DMD: variants seen among roughly 807,000 people sequenced by gnomAD.
DMD encodes dystrophin, also known as mutant dystrophin.
Under a neutral mutation model 330.1 loss-of-function variants are expected in DMD, and 63 were observed. The observed-to-expected ratio is 0.19, with a 90% CI of 0.16 to 0.24. The LOEUF is 0.24. Ranked by LOEUF, DMD falls within the 10% of genes least tolerant of loss-of-function variation. The pLI is 1.00. For missense variants in DMD, 3,344 were observed against 2,684.1 expected (o/e 1.25, Z -5.43); for synonymous variants, 1,223 against 959.8 (o/e 1.27, Z -5.07).
At chrX:33,156,206 C>T (rs2048501905) in intron 1 of DMD, among the ~76,000 whole-genome samples, 1 of 112,051 alleles carries the variant, frequency 8.9e-6, no homozygotes, top group Non-Finnish European at 1.9e-5. Flanking sequence ...AATACATGTA[C>T]ATCAAATGAA....
At chrX:32,681,641 G>T (rs148565295) in intron 9 of DMD, among the ~76,000 whole-genome samples, 80 of 111,422 alleles carry the variant, frequency 7.2e-4, no homozygotes, top group African/African-American at 2.6e-3. Flanking sequence ...CAATACAATC[G>T]CAAACTGGGG....
intron 54 of DMD, among the ~76,000 whole-genome samples, chrX:31,635,914 C>G (rs1301493219): frequency 9.0e-6 from 1 of 111,664 alleles, no homozygotes; most frequent in Admixed American, 9.5e-5. Context: ...CCATCACATA[C>G]CAGTCAGAAT....
chrX:32,957,506 G>A (rs1416725215), intron 2 of DMD, among the ~76,000 whole-genome samples: 1 of 111,196 alleles, frequency 9.0e-6, no homozygotes, highest in African/African-American at 3.3e-5. Flanking sequence ...TGGTCAAGAT[G>A]GTATATATAT....
intron 44 of DMD, among the ~76,000 whole-genome samples, chrX:32,008,303 G>T (rs184639407): frequency 8.9e-6 from 1 of 111,983 alleles, no homozygotes; most frequent in East Asian, 2.8e-4. Context: ...ATACAGAATT[G>T]TGGAGCTTTG....
chrX:32,695,312 A>G (rs1328120594), intron 9 of DMD, among the ~76,000 whole-genome samples: 5 of 112,088 alleles, frequency 4.5e-5, no homozygotes, highest in Non-Finnish European at 9.4e-5. Flanking sequence ...TAAAACAGAG[A>G]CAAAAGCACT....
intron 1 of DMD, among the ~76,000 whole-genome samples, chrX:33,217,519 A>T (rs1471666816): frequency 4.5e-5 from 5 of 111,524 alleles, no homozygotes; most frequent in African/African-American, 1.6e-4. Context: ...TAAGTATTTC[A>T]TTGTTTCAGA....
intron 20 of DMD, 151 bp downstream of exon 20, chrX:32,491,126 T>A (rs2042955482): frequency 1.4e-6 from 1 of 699,561 alleles, no homozygotes; most frequent in Non-Finnish European, 2.2e-6. Flanking sequence ...TTAAACAGAT[T>A]TCTGTTGCTT....
intron 7 of DMD, among the ~76,000 whole-genome samples, chrX:32,752,813 C>T (rs1458766438): frequency 4.6e-5 from 5 of 109,714 alleles, no homozygotes; most frequent in Non-Finnish European, 9.5e-5. Flanking sequence ...GAAAGTCTCA[C>T]GAGATCTGAT....
At chrX:33,054,533 A>G (rs1395499541) in intron 1 of DMD, among the ~76,000 whole-genome samples, 4 of 112,615 alleles carry the variant, frequency 3.6e-5, no homozygotes, top group Non-Finnish European at 7.5e-5. Flanking sequence ...GAGGACCATG[A>G]AAATACTGAT....
intron 21 of DMD, among the ~76,000 whole-genome samples, chrX:32,476,167 T>C (rs1414690712): frequency 1.8e-5 from 2 of 111,036 alleles, no homozygotes; most frequent in East Asian, 5.7e-4. Context: ...AACTTGAACA[T>C]GTCTCCTCTT....
intron 25 of DMD, among the ~76,000 whole-genome samples, chrX:32,458,334 TTTC>T (rs1256398151): frequency 9.0e-6 from 1 of 111,667 alleles, no homozygotes; most frequent in Non-Finnish European, 1.9e-5. Flanking sequence ...ATGGAAGAAT[TTTC>T]TTTTTTAAAG....
At chrX:31,133,050 C>G (rs1349881701) in intron 77 of DMD, among the ~76,000 whole-genome samples, 1 of 112,156 alleles carries the variant, frequency 8.9e-6, no homozygotes, top group African/African-American at 3.2e-5. Context: ...ACAACGTTTA[C>G]TTGCACATCA....
intron 41 of DMD, among the ~76,000 whole-genome samples, chrX:32,335,150 G>A (rs2097699186): frequency 9.1e-6 from 1 of 110,240 alleles, no homozygotes; most frequent in African/African-American, 3.3e-5. Flanking sequence ...AAAAGTTAGT[G>A]GAAAAATATT....
intron 7 of DMD, among the ~76,000 whole-genome samples, chrX:32,776,380 C>A (rs1394293582): frequency 9.1e-6 from 1 of 110,381 alleles, no homozygotes; most frequent in Non-Finnish European, 1.9e-5. Flanking sequence ...ATCTGGGCAC[C>A]AATTTTCTGT....
chrX:33,061,804 T>C (rs1268644137), intron 1 of DMD, among the ~76,000 whole-genome samples: 1 of 111,591 alleles, frequency 9.0e-6, no homozygotes, highest in Non-Finnish European at 1.9e-5. Context: ...CATTTGCCCC[T>C]AGTTAAGGGT....
chrX:31,207,028 T>C (rs1307806229), intron 65 of DMD, among the ~76,000 whole-genome samples: 2 of 111,760 alleles, frequency 1.8e-5, no homozygotes, highest in Non-Finnish European at 3.8e-5. Flanking sequence ...GAAGAATTAC[T>C]AATCTTCACC....
At chrX:31,487,346 C>T (rs762374217) in intron 57 of DMD, among the ~76,000 whole-genome samples, 8 of 109,229 alleles carry the variant, frequency 7.3e-5, no homozygotes, top group Admixed American at 4.9e-4. Flanking sequence ...CTGCAAGCTC[C>T]GTCTCCCAGG....
intron 48 of DMD, among the ~76,000 whole-genome samples, chrX:31,871,485 G>C (rs1168531414): frequency 9.1e-6 from 1 of 110,314 alleles, no homozygotes; most frequent in Non-Finnish European, 1.9e-5. Context: ...CACAGAGAGA[G>C]GGTATTACAT....
At chrX:32,282,267 T>C (rs148905441) in intron 43 of DMD, among the ~76,000 whole-genome samples, 1,202 of 111,882 alleles carry the variant, frequency 0.011, 14 homozygotes, top group African/African-American at 0.036. Flanking sequence ...TAAGTGTTCA[T>C]TGAAAGAAGA....
Sources: allele counts gnomAD v4.1 joint callset (sites outside exome capture counted in the v4.1 genomes callset), GRCh38; gene constraint gnomAD v4.1.1; transcripts MANE v1.5; gene names NCBI Gene and HGNC (gene_info 2026-07-23, HGNC 2026-07-21).